The following IPMK variants were observed in gnomAD, a reference collection of about 807,000 sequenced individuals.
IPMK encodes the protein inositol polyphosphate multikinase.
IPMK carries 17 observed loss-of-function variants against 45.8 expected under a neutral mutation model. That is an observed-to-expected ratio of 0.37 (90% CI 0.25 to 0.56). The LOEUF (loss-of-function observed/expected upper bound fraction) is 0.56, where lower values mean the gene tolerates loss of function less well. Among genes scored for constraint, IPMK ranks in the 20% least tolerant of loss-of-function variants. The pLI is 0.79. For synonymous variants in IPMK, 180 were observed against 184.3 expected (o/e 0.98, Z 0.19); for missense variants, 399 against 498.0 (o/e 0.80, Z 1.89).
At chr10:58,265,599 A>T (rs182130133) in intron 1 of IPMK, among the ~76,000 whole-genome samples, 9 of 152,230 alleles carry the variant, frequency 5.9e-5, no homozygotes, top group Non-Finnish European at 1.3e-4. Flanking sequence ...TTGCTAGCAC[A>T]GTATGTTTAA....
chr10:58,251,377 G>A (rs1044039332), intron 1 of IPMK, among the ~76,000 whole-genome samples: 7 of 151,894 alleles, frequency 4.6e-5, no homozygotes, highest in African/African-American at 1.7e-4. Context: ...TTAAAAATTT[G>A]TTAAGACTTG....
In IPMK at chr10:58,229,389, C is replaced by T. The variant is rs1260088903; in HGVS notation, c.277-2250G>A. 3.3e-5 allele frequency among the ~76,000 whole-genome samples: 5 copies of T among 151,634 alleles called. No individual in the cohort carries two copies. The East Asian group carries it at 7.8e-4, about 24-fold the overall frequency. On this transcript the variant is annotated intron_variant, in intron 2 of 5. Transcript: ENST00000373935. Reference sequence around the variant, plus strand: ...ACCAGCCTGGCCAACATGGCAAAACCCTGTCTCTACCAAAAATACAAAAAT... The same window carrying T: ...ACCAGCCTGGCCAACATGGCAAAACTCTGTCTCTACCAAAAATACAAAAAT...
intron 2 of IPMK, among the ~76,000 whole-genome samples, chr10:58,227,652 A>C (rs1248167835): frequency 6.6e-6 from 1 of 152,108 alleles, no homozygotes; most frequent in Non-Finnish European, 1.5e-5. Flanking sequence ...TTATATCTAC[A>C]TGGTGATTTT....
At chr10:58,230,327 TGA>T (rs749993040) in intron 2 of IPMK, among the ~76,000 whole-genome samples, 6 of 152,214 alleles carry the variant, frequency 3.9e-5, no homozygotes, top group Non-Finnish European at 8.8e-5. Context: ...GTTTGAGCTC[TGA>T]GAACAAGCAG....
At chr10:58,261,672 T>A (rs1410271999) in intron 1 of IPMK, among the ~76,000 whole-genome samples, 2 of 151,836 alleles carry the variant, frequency 1.3e-5, no homozygotes, top group African/African-American at 2.4e-5. Flanking sequence ...CAACCTCCGC[T>A]CCCAGGTTCA....
chr10:58,267,142 A>C (rs2132271696), intron 1 of IPMK, among the ~76,000 whole-genome samples: 1 of 152,344 alleles, frequency 6.6e-6, no homozygotes, highest in South Asian at 2.1e-4. Context: ...CGCCGTCTCC[A>C]ATCAACACCC....
chr10:58,220,058 C>T (rs916799198), intron 3 of IPMK, among the ~76,000 whole-genome samples: 1 of 152,194 alleles, frequency 6.6e-6, no homozygotes, highest in African/African-American at 2.4e-5. Flanking sequence ...CCCACAGTCA[C>T]TGACTGGGGC....
intron 1 of IPMK, among the ~76,000 whole-genome samples, chr10:58,258,632 A>G (rs1189082465): frequency 6.6e-6 from 1 of 152,196 alleles, no homozygotes. Context: ...ATGGATCAAA[A>G]TTCACAATGG....
At chr10:58,197,770 C>T (rs1239335612) in intron 5 of IPMK, among the ~76,000 whole-genome samples, 3 of 152,212 alleles carry the variant, frequency 2.0e-5, no homozygotes, top group East Asian at 1.9e-4. Flanking sequence ...CAGTGGCTCA[C>T]GCCTGTAATC....
Position 58,244,466 on chromosome 10 carries a change from G to A in IPMK, c.191-6652C>T, listed in dbSNP as rs1019442961. 2.1e-4 allele frequency among the ~76,000 whole-genome samples: 19 copies of A among 91,574 alleles called. 1 individual carries two copies. The highest frequency in any genetic ancestry group is 1.1e-3 in the African/African-American group (15 of 14,044). The allele number at this position is 91,574 out of a possible 152,430, so 60.1% of individuals were successfully genotyped here. A position where few individuals can be genotyped will look rare whatever the true frequency, so the allele number is the denominator to read the frequency against. The stretch of plus-strand genomic sequence containing the variant: ...AGGTGAGGAGCACCTCTGCCCGGCC[G>A]CCGCCCCGTCTGGGAAGTGAGGAGC... On this transcript the variant is annotated intron_variant, in intron 1 of 5. Coordinates refer to ENST00000373935, the MANE Select transcript of IPMK (RefSeq NM_152230.5).
At chr10:58,225,649 TTCAA>T (rs768598634) in intron 3 of IPMK, among the ~76,000 whole-genome samples, 6 of 152,194 alleles carry the variant, frequency 3.9e-5, no homozygotes, top group Admixed American at 1.3e-4. Flanking sequence ...TACGTAGATT[TTCAA>T]TCAAACACCA....
At chr10:58,199,391 G>A (rs1359754155) in intron 4 of IPMK, 70 bp from the exon 5 acceptor site, 1 of 950,772 alleles carries the variant, frequency 1.1e-6, no homozygotes, top group Non-Finnish European at 1.5e-6. Flanking sequence ...CCAGCCACAA[G>A]GGTGGCTAAA....
chr10:58,211,925 A>AAAAAAAAAT (rs1564529770), intron 4 of IPMK, among the ~76,000 whole-genome samples: 7 of 147,350 alleles, frequency 4.8e-5, no homozygotes, highest in African/African-American at 1.8e-4. Context: ...AAAAAAAAAA[A>AAAAAAAAAT]TTTGTTTTCA....
chr10:58,243,418 G>A (rs1838727260), intron 1 of IPMK, among the ~76,000 whole-genome samples: 1 of 152,198 alleles, frequency 6.6e-6, no homozygotes, highest in Non-Finnish European at 1.5e-5. Flanking sequence ...TGCGGAGCCT[G>A]GACCGTACTG....
chr10:58,229,431 C>CA (rs1305154692), intron 2 of IPMK, among the ~76,000 whole-genome samples: 2 of 151,854 alleles, frequency 1.3e-5, no homozygotes, highest in Non-Finnish European at 2.9e-5. Context: ...GGCTGGGCGG[C>CA]ATGCACCTGT....
At chr10:58,243,239 A>G (rs2486483) in intron 1 of IPMK, among the ~76,000 whole-genome samples, 51,485 of 152,098 alleles carry the variant, frequency 0.34, 10,968 homozygotes, top group African/African-American at 0.61. Context: ...AAAGGGTAAA[A>G]AAAAAGGGGT....
chr10:58,249,186 C>G (rs1472008096), intron 1 of IPMK, among the ~76,000 whole-genome samples: 1 of 152,224 alleles, frequency 6.6e-6, no homozygotes, highest in East Asian at 1.9e-4. Context: ...TCCTTGGCAG[C>G]ATCTGCTATC....
rs370658364 is a variant in IPMK at position 58,196,678 on chromosome 10, T to C, written c.649A>G (p.Asn217Asp). ...GCATCTTTTCTTAAGCAGTACCCAT[T>C]ATGAAAAAATCTGGAGACTCCTATA... is the stretch of plus-strand genomic sequence containing the variant. ...IKDGVSRFFH[N>D]GYCLRKDAVA... The change falls in exon 6 of 6, where the codon AAT (asparagine) becomes GAT (aspartate). Residue 217 changes from asparagine (N) to aspartate (D), a missense_variant. By Grantham distance (23) the Asn-to-Asp change is conservative. Transcript: ENST00000373935. The C allele has an allele frequency of 6.3e-7, 1 of 1,580,472 alleles. No homozygotes were observed. The highest frequency in any genetic ancestry group is 8.6e-7 in the Non-Finnish European group (1 of 1,168,568).
intron 3 of IPMK, among the ~76,000 whole-genome samples, 157 bp downstream of exon 3, chr10:58,226,886 A>G (rs535641455): frequency 6.6e-5 from 10 of 152,338 alleles, no homozygotes; most frequent in African/African-American, 2.4e-4. Flanking sequence ...AAAAGTATTA[A>G]TAAGTTTCAT....
Sources: allele counts gnomAD v4.1 joint callset (sites outside exome capture counted in the v4.1 genomes callset), GRCh38; gene constraint gnomAD v4.1.1; transcripts MANE v1.5; gene names NCBI Gene and HGNC (gene_info 2026-07-23, HGNC 2026-07-21).